Variants in SBNO1 observed in about 807,000 individuals in gnomAD.
The protein encoded by SBNO1 is strawberry notch homolog 1, also known as protein strawberry notch homolog 1.
Under a neutral mutation model 173.6 loss-of-function variants are expected in SBNO1, and 23 were observed. The observed-to-expected ratio is 0.13, with a 90% CI of 0.10 to 0.19. The LOEUF is 0.19. Among genes scored for constraint, SBNO1 ranks in the 10% least tolerant of loss-of-function variants. The pLI is 1.00. For missense variants in SBNO1, 1,238 were observed against 1,671.2 expected (o/e 0.74, Z 4.52); for synonymous variants, 632 against 571.5 (o/e 1.11, Z -1.51).
At chr12:123,311,958 T>C (rs1025566104) in intron 24 of SBNO1, among the ~76,000 whole-genome samples, 16 of 151,312 alleles carry the variant, frequency 1.1e-4, no homozygotes, top group African/African-American at 3.9e-4. Context: ...CAGGCTGGTC[T>C]TGATCTCCTG....
At chr12:123,339,069 G>A (rs536429537) in intron 5 of SBNO1, among the ~76,000 whole-genome samples, 4 of 152,252 alleles carry the variant, frequency 2.6e-5, no homozygotes, top group African/African-American at 9.6e-5. Context: ...GAAGAAATAT[G>A]CATTCTTAGT....
At chr12:123,355,521 G>A (rs899696484) in intron 1 of SBNO1, among the ~76,000 whole-genome samples, 78 of 151,838 alleles carry the variant, frequency 5.1e-4, no homozygotes, top group Admixed American at 8.5e-4. Flanking sequence ...GGAGAATCGC[G>A]TGAACCCGGG....
chr12:123,307,792 C>T (rs2048955861), intron 28 of SBNO1, among the ~76,000 whole-genome samples: 1 of 152,176 alleles, frequency 6.6e-6, no homozygotes, highest in Admixed American at 6.6e-5. Context: ...TAGCCACATG[C>T]CAGGCGCGGT....
chr12:123,307,284 A>G (rs2048943152), intron 28 of SBNO1, among the ~76,000 whole-genome samples: 2 of 152,138 alleles, frequency 1.3e-5, no homozygotes, highest in Non-Finnish European at 2.9e-5. Context: ...TCAGCAGCTT[A>G]GGCCTGTGGA....
At chr12:123,297,027 CT>C (rs2048620754) in intron 31 of SBNO1, among the ~76,000 whole-genome samples, 1 of 151,784 alleles carries the variant, frequency 6.6e-6, no homozygotes, top group Non-Finnish European at 1.5e-5. Context: ...GAAATCTAGA[CT>C]TTTATATGAA....
At chr12:123,362,455 A>G (rs1875423430) in intron 1 of SBNO1, among the ~76,000 whole-genome samples, 1 of 148,712 alleles carries the variant, frequency 6.7e-6, no homozygotes, top group African/African-American at 2.5e-5. Flanking sequence ...AAAAAAAAAA[A>G]AAAAAAAAAA....
chr12:123,332,756 A>C (rs2139009657), intron 7 of SBNO1, among the ~76,000 whole-genome samples: 1 of 152,098 alleles, frequency 6.6e-6, no homozygotes, highest in Non-Finnish European at 1.5e-5. Flanking sequence ...TGGTAGAGAC[A>C]GGGTTTCACC....
At position 123,317,142 on chromosome 12, in the gene SBNO1, C is replaced by T; in HGVS notation, c.2935+79G>A. 5 of 1,493,978 alleles carry T rather than the reference C, an allele frequency of 3.3e-6. No homozygotes were observed. The South Asian group carries it at 3.4e-5, about 10-fold the overall frequency. The allele number at this position is 1,493,978 out of a possible 1,614,324, so 92.5% of individuals were successfully genotyped here. On this transcript the variant is annotated intron_variant, in intron 21 of 31. Coordinates refer to ENST00000602398, the MANE Select transcript of SBNO1 (RefSeq NM_001167856.3). ...CGTGAGCCTCTGTGCCCGGCCTAAA[C>T]CTAGGTTTTGGTATGCGCAAATTTA...
intron 1 of SBNO1, among the ~76,000 whole-genome samples, chr12:123,352,762 ACCAC>A (rs564144863): frequency 6.2e-4 from 94 of 152,330 alleles, no homozygotes; most frequent in South Asian, 1.7e-3. Context: ...AAGAGGGCAG[ACCAC>A]TGTGTAGAAG....
chr12:123,330,306 T>C lies in SBNO1; in HGVS notation c.1134+113A>G, dbSNP rs921671234. 4 of 672,704 alleles carry C rather than the reference T, an allele frequency of 5.9e-6. No individual in the cohort carries two copies. In the African/African-American group the frequency reaches 7.3e-5, roughly 12 times the overall value. The allele number at this position is 672,704 out of a possible 1,614,324, so 41.7% of individuals were successfully genotyped here. A position where few individuals can be genotyped will look rare whatever the true frequency, so the allele number is the denominator to read the frequency against. On this transcript the variant is annotated intron_variant, in intron 9 of 31. Coordinates refer to ENST00000602398, the MANE Select transcript of SBNO1 (RefSeq NM_001167856.3). ...AGCACTCACTATGCTTTCTGTGGAGTAACATCAAAGTTTTCCAAAAAGTGT... is the reference window on the plus strand; with the variant it reads ...AGCACTCACTATGCTTTCTGTGGAGCAACATCAAAGTTTTCCAAAAAGTGT...
At chr12:123,345,683 T>C (rs1593401118) in intron 3 of SBNO1, 113 bp from the exon 4 acceptor site, 2 of 340,766 alleles carry the variant, frequency 5.9e-6, no homozygotes, top group Non-Finnish European at 4.8e-6. Flanking sequence ...TTATTATTGC[T>C]TTTTTTTTTT....
chr12:123,320,344 G>T (rs1325275438), intron 19 of SBNO1, 88 bp downstream of exon 19: 6 of 1,230,172 alleles, frequency 4.9e-6, no homozygotes, highest in African/African-American at 4.6e-5. Flanking sequence ...AAGAAATTTA[G>T]ATTATTATGT....
In SBNO1 at chr12:123,364,075, C is replaced by T. The variant is rs375534882; in HGVS notation, c.-1+626G>A. The T allele has an allele frequency of 7.9e-5, 78 of 985,442 alleles. No homozygotes were observed. In the East Asian group the frequency reaches 7.7e-3, roughly 98 times the overall value. The allele number at this position is 985,442 out of a possible 1,614,324, so 61.0% of individuals were successfully genotyped here. ...TTAGGGTCTGGGAGGTGAGCTCGCC[C>T]GCCGAGGCAGAACTAAGCGAGTCGC... On this transcript the variant is annotated intron_variant, in intron 1 of 31. Coordinates refer to ENST00000602398, the MANE Select transcript of SBNO1 (RefSeq NM_001167856.3).
At position 123,350,336 on chromosome 12, in the gene SBNO1, G is replaced by T; in HGVS notation, c.106C>A (p.Pro36Thr). 6.2e-7 allele frequency: 1 copy of T among 1,614,068 alleles called. No homozygotes were observed. Among genetic ancestry groups the T allele is most frequent in the Admixed American group, 1.7e-5 (1 of 60,012 alleles). ...IDGGDAGLAT[P>T]MPTPSVQQSV... ...TGCTGAACTGACGGGGTAGGCATTGGAGTTGCAAGCCCTGCATCTCCACCA... is the reference window on the plus strand; with the variant it reads ...TGCTGAACTGACGGGGTAGGCATTGTAGTTGCAAGCCCTGCATCTCCACCA... Residue 36 changes from proline to threonine, a missense_variant, in exon 2 of 32, where the codon CCA (proline) becomes ACA (threonine). Transcript: ENST00000602398.
intron 30 of SBNO1, among the ~76,000 whole-genome samples, chr12:123,300,629 G>A (rs1043600480): frequency 2.0e-5 from 3 of 151,816 alleles, no homozygotes; most frequent in Non-Finnish European, 4.4e-5. Context: ...CTGCACTCCA[G>A]CCTGGGTGAC....
intron 4 of SBNO1, among the ~76,000 whole-genome samples, chr12:123,342,181 C>T (rs1384979224): frequency 6.6e-6 from 1 of 151,706 alleles, no homozygotes; most frequent in African/African-American, 2.4e-5. Flanking sequence ...ACCCGGGAGG[C>T]GGAGGCTGCA....
At chr12:123,300,309 T>C (rs1364533843) in intron 30 of SBNO1, among the ~76,000 whole-genome samples, 1 of 152,172 alleles carries the variant, frequency 6.6e-6, no homozygotes, top group Non-Finnish European at 1.5e-5. Flanking sequence ...AATCCTCTCA[T>C]CTTGATCTCC....
rs560668675 is a variant in SBNO1, at chr12:123,293,868, T to C, written c.*2040A>G. 2.0e-5 allele frequency: 3 copies of C among 152,196 alleles called. No homozygotes were observed. Among genetic ancestry groups the C allele is most frequent in the Non-Finnish European group, 4.4e-5 (3 of 68,058 alleles). 9.4% of individuals were successfully genotyped at this position (152,196 alleles called of 1,614,324 possible). On this transcript the variant is annotated 3_prime_UTR_variant, in exon 32 of 32. Transcript: ENST00000602398. The stretch of plus-strand genomic sequence containing the variant: ...CTGCCATTCTTACTGCAGGAGGGTT[T>C]GTAATGCTTCCCCACTTCCTCAGGT...
intron 31 of SBNO1, among the ~76,000 whole-genome samples, chr12:123,297,270 C>T (rs1593315158): frequency 7.6e-6 from 1 of 131,968 alleles, no homozygotes; most frequent in Admixed American, 9.2e-5. Context: ...GCGGAGGTTG[C>T]AGTGAGCCGG....
Sources: gnomAD v4.1 joint callset for allele counts (sites outside exome capture counted in the v4.1 genomes callset) on GRCh38, gnomAD v4.1.1 for gene constraint, MANE v1.5 for transcripts, NCBI Gene and HGNC (gene_info 2026-07-23, HGNC 2026-07-21) for gene names.